The following DPP6 variants were observed in gnomAD, a reference collection of about 807,000 sequenced individuals.
DPP6 encodes A-type potassium channel modulatory protein DPP6.
DPP6 carries 69 observed loss-of-function variants against 122.6 expected under a neutral mutation model. That is an observed-to-expected ratio of 0.56 (90% confidence interval 0.46 to 0.69). The LOEUF (loss-of-function observed/expected upper bound fraction) is 0.69. Ranked by LOEUF, DPP6 falls within the 30% of genes least tolerant of loss-of-function variation. The pLI, the probability that DPP6 is intolerant of heterozygous loss-of-function variation, is 0.00. For synonymous variants in DPP6, 418 were observed against 433.1 expected, an observed-to-expected ratio of 0.97 and a Z score of 0.43; for missense variants, 928 against 1,116.9, an observed-to-expected ratio of 0.83 and a Z score of 2.41.
At chr7:154,795,531 G>A (rs1030017916) in intron 11 of DPP6, among the ~76,000 whole-genome samples, 7 of 152,120 alleles carry the variant, frequency 4.6e-5, no homozygotes, top group Admixed American at 2.0e-4. Flanking sequence ...AGTGATGACC[G>A]CCCCCTGGTA....
chr7:154,307,275 C>T lies in DPP6; in HGVS notation c.244-138939C>T, dbSNP rs1484894195. Among the ~76,000 whole-genome samples the T allele has an allele frequency of 2.0e-5, 3 of 152,266 alleles. No individual in the cohort carries two copies. In the South Asian group the frequency reaches 6.2e-4, roughly 32 times the overall value. ...TATGAGCTCTTGGTTTGATTTTATA[C>T]CTTTTTGTCATTGGAAATCCCATGT... On this transcript the variant is annotated intron_variant, in intron 1 of 25. Coordinates refer to ENST00000377770, the MANE Select transcript of DPP6 (RefSeq NM_130797.4).
At chr7:154,406,667 G>A (rs369669541) in intron 1 of DPP6, among the ~76,000 whole-genome samples, 37 of 151,774 alleles carry the variant, frequency 2.4e-4, no homozygotes, top group African/African-American at 8.5e-4. Flanking sequence ...TCAAAGTGCA[G>A]TCTTCAGACC....
At chr7:153,851,046 C>A in the DPP6 span, among the ~76,000 whole-genome samples, 1 of 152,274 alleles carries the variant, frequency 6.6e-6, no homozygotes, top group Admixed American at 6.5e-5. Context: ...AGGTTATTTA[C>A]TTGTTAACAT....
chr7:154,174,025 C>G (rs867154802), intron 1 of DPP6, among the ~76,000 whole-genome samples: 1 of 152,212 alleles, frequency 6.6e-6, no homozygotes, highest in African/African-American at 2.4e-5. Flanking sequence ...CCAGTTTCCC[C>G]CACGTGCCTC....
At chr7:154,630,962 T>C (rs1422182876) in intron 5 of DPP6, among the ~76,000 whole-genome samples, 1 of 152,020 alleles carries the variant, frequency 6.6e-6, no homozygotes, top group African/African-American at 2.4e-5. Flanking sequence ...AAAAATAAAA[T>C]AATAAAAAAT....
intron 16 of DPP6, among the ~76,000 whole-genome samples, chr7:154,853,092 AG>A (rs140117292): frequency 0.01 from 1,588 of 152,330 alleles, 24 homozygotes; most frequent in African/African-American, 0.036. Flanking sequence ...AAAAAGATAT[AG>A]AAAATAATTC....
Position 154,052,768 on chromosome 7 carries a change from G to T in DPP6, c.-53G>T. 1.3e-5 allele frequency: 18 copies of T among 1,418,078 alleles called. No individual in the cohort carries two copies. Among genetic ancestry groups the T allele is most frequent in the Non-Finnish European group, 1.7e-5 (18 of 1,072,020 alleles). The allele number at this position is 1,418,078 out of a possible 1,614,324, so 87.8% of individuals were successfully genotyped here. A position where few individuals can be genotyped will look rare whatever the true frequency, so the allele number is the denominator to read the frequency against. The stretch of plus-strand genomic sequence containing the variant: ...CGGGGTGGGGAGTGGGAACCGGAGA[G>T]AAAGCAAAATATTAAAAAGCCCCAA... On this transcript the variant is annotated 5_prime_UTR_variant, in exon 1 of 26. Transcript: ENST00000377770. The surrounding 1 kb of genome is among the most constrained non-coding windows in gnomAD (Gnocchi z 4.8).
chr7:154,415,506 T>C (rs545671646), intron 1 of DPP6, among the ~76,000 whole-genome samples: 1 of 152,136 alleles, frequency 6.6e-6, no homozygotes, highest in South Asian at 2.1e-4. Context: ...ATTCTCTAGG[T>C]TGTGAGCTCT....
the DPP6 span, among the ~76,000 whole-genome samples, chr7:153,815,888 T>C: frequency 6.6e-6 from 1 of 152,190 alleles, no homozygotes; most frequent in Non-Finnish European, 1.5e-5. Flanking sequence ...AATAAATTAA[T>C]ATAAATTAAG....
At chr7:154,576,439 A>G (rs1185152542) in intron 5 of DPP6, among the ~76,000 whole-genome samples, 1 of 152,142 alleles carries the variant, frequency 6.6e-6, no homozygotes, top group East Asian at 1.9e-4. Flanking sequence ...CCCCTAGAAC[A>G]TTCAGACCTA....
At position 154,503,022 on chromosome 7, in the gene DPP6, C is replaced by T. The variant is rs533423921; in HGVS notation, c.457+27985C>T. On this transcript the variant is annotated intron_variant, in intron 3 of 25. Transcript: ENST00000377770. ...CTCTATCTGGTCAACAGCAGAATAA[C>T]GGCTACCATGGACGGTTCTATGTGT... 2.6e-4 allele frequency among the ~76,000 whole-genome samples: 40 copies of T among 152,264 alleles called. No homozygotes were observed. In the South Asian group the frequency reaches 5.8e-3, roughly 22 times the overall value.
At chr7:154,384,104 G>A (rs1029949283) in intron 1 of DPP6, among the ~76,000 whole-genome samples, 1 of 152,002 alleles carries the variant, frequency 6.6e-6, no homozygotes, top group Non-Finnish European at 1.5e-5. Flanking sequence ...TCCCTGGCAG[G>A]TGCACCATCA....
chr7:154,249,128 T>A (rs1378545520), intron 1 of DPP6, among the ~76,000 whole-genome samples: 1 of 152,244 alleles, frequency 6.6e-6, no homozygotes, highest in Non-Finnish European at 1.5e-5. Context: ...TATAATCTGC[T>A]TTTTTGTTAC....
At chr7:154,437,470 G>A (rs1365603856) in intron 1 of DPP6, among the ~76,000 whole-genome samples, 2 of 152,252 alleles carry the variant, frequency 1.3e-5, no homozygotes, top group Admixed American at 6.5e-5. Context: ...TCACAGAGGG[G>A]CCCATACTAC....
intron 1 of DPP6, among the ~76,000 whole-genome samples, chr7:154,126,197 G>C (rs1807870255): frequency 6.6e-6 from 1 of 152,098 alleles, no homozygotes; most frequent in Non-Finnish European, 1.5e-5. Context: ...GTCTAGAAAT[G>C]GTCCATTTAT....
intron 1 of DPP6, among the ~76,000 whole-genome samples, chr7:154,275,009 C>T (rs1159986779): frequency 6.6e-6 from 1 of 152,256 alleles, no homozygotes; most frequent in African/African-American, 2.4e-5. Context: ...GCCTCTGGAC[C>T]CTCAGCTGTC....
intron 6 of DPP6, among the ~76,000 whole-genome samples, chr7:154,661,757 C>CATATTGGCGCTAGTATTCATATAGTCATG (rs1837682735): frequency 3.9e-4 from 51 of 131,060 alleles, no homozygotes; most frequent in Admixed American, 7.5e-4. Context: ...ATCACCATGG[C>CATATTGGCGCTAGTATTCATATAGTCATG]GTGTTGGCCC....
intron 1 of DPP6, among the ~76,000 whole-genome samples, chr7:154,275,512 A>G (rs890724062): frequency 6.6e-6 from 1 of 152,222 alleles, no homozygotes; most frequent in Non-Finnish European, 1.5e-5. Context: ...GAGTTTAAAG[A>G]TGTCCTTGTT....
chr7:154,187,341 G>C (rs7796632), intron 1 of DPP6, among the ~76,000 whole-genome samples: 47,915 of 152,130 alleles, frequency 0.31, 10,946 homozygotes, highest in African/African-American at 0.65. Context: ...TGGCTGGAAA[G>C]TGAAGAGTAT....
Sources: gnomAD v4.1 joint callset for allele counts (sites outside exome capture counted in the v4.1 genomes callset) on GRCh38, gnomAD v4.1.1 for gene constraint, Gnocchi (gnomAD v3.1) non-coding constraint, MANE v1.5 for transcripts, NCBI Gene and HGNC (gene_info 2026-07-23, HGNC 2026-07-21) for gene names.